The following NLRP2 variants were observed in gnomAD, a reference collection of about 807,000 sequenced individuals.
NLRP2 encodes NACHT, LRR and PYD domains-containing protein 2.
In NLRP2, 107 loss-of-function variants were observed where a neutral mutation model predicts 97.2. That is an observed-to-expected ratio of 1.10 (90% CI 0.94 to 1.29). The LOEUF (loss-of-function observed/expected upper bound fraction) is 1.29. Ranked by LOEUF, NLRP2 falls within the 50% of genes most tolerant of loss-of-function variation. The probability of loss-of-function intolerance (pLI) is 0.00; values close to 1 mark genes in which losing one functional copy is unlikely to be tolerated. For synonymous variants in NLRP2, 663 were observed against 551.5 expected (o/e 1.20, Z -2.83); for missense variants, 1,495 against 1,330.3 (o/e 1.12, Z -1.93).
In NLRP2 at chr19:54,976,808, C is replaced by CTTTTTTT. The variant is rs1344091709; in HGVS notation, c.326-943_326-942insTTTTTTT. 146 of 229,352 alleles carry CTTTTTTT rather than the reference C, an allele frequency of 6.4e-4. No individual in the cohort carries two copies. In the African/African-American group the frequency reaches 0.019, roughly 30 times the overall value. The allele number at this position is 229,352 out of a possible 1,614,324, so 14.2% of individuals were successfully genotyped here. ...TGTTATTAGGATTCCACCTTGTTCT[C>CTTTTTTT]TCTCTTTTTTTTTTTTTTTTTGATA... On this transcript the variant is annotated intron_variant, in intron 3 of 12. Coordinates refer to ENST00000448584, the MANE Select transcript of NLRP2 (RefSeq NM_017852.5).
upstream of NLRP2, among the ~76,000 whole-genome samples, chr19:54,965,601 G>A (rs1232572944): frequency 2.4e-5 from 1 of 42,500 alleles, no homozygotes; most frequent in Non-Finnish European, 4.6e-5. Context: ...GACTACAGGC[G>A]CCCGCCACCA....
intron 11 of NLRP2, among the ~76,000 whole-genome samples, chr19:54,996,679 G>C (rs1215109948): frequency 6.6e-6 from 1 of 151,984 alleles, no homozygotes. Context: ...CATGCCCGCT[G>C]CCTGGATGTT....
intron 7 of NLRP2, among the ~76,000 whole-genome samples, chr19:54,985,881 C>G (rs1170508855): frequency 6.6e-6 from 1 of 151,694 alleles, no homozygotes; most frequent in Non-Finnish European, 1.5e-5. Flanking sequence ...GCCTATAATC[C>G]CAGCTACTCC....
In NLRP2 at chr19:54,974,249, G is replaced by A. The variant is rs2071055219; in HGVS notation, c.281-251G>A. On this transcript the variant is annotated intron_variant, in intron 2 of 12. Coordinates refer to ENST00000448584, the MANE Select transcript of NLRP2 (RefSeq NM_017852.5). ...TATGCCTATAGTCCCAGCTACTCAGGAAGCTGAGGCAGGAGAATCGCTTGA... is the reference window on the plus strand; with the variant it reads ...TATGCCTATAGTCCCAGCTACTCAGAAAGCTGAGGCAGGAGAATCGCTTGA... 4 of 588,164 alleles carry A rather than the reference G, an allele frequency of 6.8e-6. No homozygotes were observed. In the East Asian group the frequency reaches 9.0e-5, roughly 13 times the overall value. 36.4% of individuals were successfully genotyped at this position (588,164 alleles called of 1,614,324 possible).
chr19:54,966,562 C>A (rs1401747538), intron 1 of NLRP2, 95 bp downstream of exon 1: 3 of 152,012 alleles, frequency 2.0e-5, no homozygotes, highest in Admixed American at 2.0e-4. Flanking sequence ...TATTTTTTTT[C>A]TGAGACGGAG....
chr19:54,986,881 T>C (rs1028660194), intron 8 of NLRP2, among the ~76,000 whole-genome samples: 2 of 151,538 alleles, frequency 1.3e-5, no homozygotes. Context: ...GTTTTGGTTT[T>C]TTCTTTTTCT....
rs200366059 is a variant in NLRP2, at chr19:54,984,329, G to GTTTTTTTTTT, written c.2030+615_2030+624dup. ...AACTTAAGTGGGGGTTTTTTTTTGT[G>GTTTTTTTTTT]TTTTTTTTTTTTTTTTTTTTTTTGG... is the stretch of plus-strand genomic sequence containing the variant. On this transcript the variant is annotated intron_variant, in intron 6 of 12. Transcript: ENST00000448584. 1.1e-3 allele frequency among the ~76,000 whole-genome samples: 88 copies of GTTTTTTTTTT among 79,664 alleles called. 7 individuals carry two copies. Among genetic ancestry groups the GTTTTTTTTTT allele is most frequent in the African/African-American group, 3.5e-3 (75 of 21,628 alleles). 52.3% of individuals were successfully genotyped at this position (79,664 alleles called of 152,430 possible).
Position 54,990,487 on chromosome 19 carries a change from G to A in NLRP2, c.2538-15G>A. On this transcript the variant is annotated splice_polypyrimidine_tract_variant and intron_variant, in intron 9 of 12. Transcript: ENST00000448584. Reference sequence around the variant, plus strand: ...GGACCTGTCAACCGTGTTGCCATTTGTGATTCTTTTGTAGGTTGGAAAACT... The same window carrying A: ...GGACCTGTCAACCGTGTTGCCATTTATGATTCTTTTGTAGGTTGGAAAACT... 6.2e-7 allele frequency: 1 copy of A among 1,614,066 alleles called. No individual in the cohort carries two copies. Among genetic ancestry groups the A allele is most frequent in the South Asian group, 1.1e-5 (1 of 91,076 alleles).
At chr19:54,965,335 G>T (rs533456357), upstream of NLRP2, 1 of 104,188 alleles carries the variant, frequency 9.6e-6, no homozygotes, top group South Asian at 2.5e-4. Context: ...TTCTCAACCT[G>T]CAGCCCTCAT....
Position 54,974,274 on chromosome 19 carries a change from A to G in NLRP2, c.281-226A>G, listed in dbSNP as rs1325906850. On this transcript the variant is annotated intron_variant, in intron 2 of 12. Coordinates refer to ENST00000448584, the MANE Select transcript of NLRP2 (RefSeq NM_017852.5). ...GAAGCTGAGGCAGGAGAATCGCTTG[A>G]ACCTGGGAGGCAGAGGTTGCAGTGA... 5.0e-6 allele frequency: 3 copies of G among 603,946 alleles called. No homozygotes were observed. In the African/African-American group the frequency reaches 5.6e-5, roughly 11 times the overall value. The allele number at this position is 603,946 out of a possible 1,614,324, so 37.4% of individuals were successfully genotyped here. A position where few individuals can be genotyped will look rare whatever the true frequency, so the allele number is the denominator to read the frequency against.
At chr19:54,998,024 T>G (rs1214129931) in intron 12 of NLRP2, among the ~76,000 whole-genome samples, 2 of 135,548 alleles carry the variant, frequency 1.5e-5, no homozygotes, top group East Asian at 4.1e-4. Context: ...GTTTTTTCTT[T>G]CTTTTTTTTT....
chr19:54,991,303 A>G (rs1220421613), intron 10 of NLRP2: 2 of 154,150 alleles, frequency 1.3e-5, no homozygotes, highest in Admixed American at 1.3e-4. Flanking sequence ...TAATCCCATC[A>G]CCTTGGGAGG....
At position 54,983,599 on chromosome 19, in the gene NLRP2, C is replaced by T; in HGVS notation, c.1901C>T (p.Ala634Val). The change falls in exon 6 of 13, where the codon GCA (alanine) becomes GTA (valine). Residue 634 changes from alanine to valine, a missense_variant. Transcript: ENST00000448584. ...QFKEISLHLN[A>V]VDVVPSSFCV... Reference sequence around the variant, plus strand: ...AAAGAAATATCCCTGCACTTAAATGCAGTAGACGTTGTGCCATCTTCATTC... The same window carrying T: ...AAAGAAATATCCCTGCACTTAAATGTAGTAGACGTTGTGCCATCTTCATTC... The T allele has an allele frequency of 6.2e-7, 1 of 1,614,174 alleles. No individual in the cohort carries two copies.
chr19:54,991,924 A>ATT (rs199627730), intron 10 of NLRP2, among the ~76,000 whole-genome samples: 56 of 127,292 alleles, frequency 4.4e-4, no homozygotes, highest in South Asian at 2.3e-3. Flanking sequence ...CATCTCTGGT[A>ATT]TTTTTTTTTT....
intron 2 of NLRP2, chr19:54,974,128 G>C (rs2071046675): frequency 1.5e-6 from 1 of 680,016 alleles, no homozygotes; most frequent in African/African-American, 1.8e-5. Flanking sequence ...GGCCGAGGTG[G>C]GCGGATCACA....
intron 2 of NLRP2, among the ~76,000 whole-genome samples, chr19:54,971,181 A>G (rs952300367): frequency 4.0e-5 from 6 of 151,432 alleles, no homozygotes; most frequent in Admixed American, 6.6e-5. Flanking sequence ...ATTGTATTCC[A>G]TGGTATATAT....
chr19:54,992,505 T>TG (rs1481115841), intron 10 of NLRP2, among the ~76,000 whole-genome samples: 8 of 141,130 alleles, frequency 5.7e-5, no homozygotes, highest in South Asian at 4.9e-4. Context: ...TGGTTGTGTG[T>TG]GTGTGTGGTG....
intron 6 of NLRP2, among the ~76,000 whole-genome samples, chr19:54,984,702 C>T (rs532059929): frequency 2.0e-5 from 3 of 151,524 alleles, no homozygotes; most frequent in African/African-American, 4.8e-5. Context: ...AGGCAGGTCT[C>T]GAACTCCCGA....
chr19:54,982,445 G>C lies in NLRP2; in HGVS notation c.747G>C (p.Glu249Asp). 1 of 1,614,198 alleles carries C rather than the reference G, an allele frequency of 6.2e-7. No individual in the cohort carries two copies. The highest frequency in any genetic ancestry group is 2.2e-5 in the East Asian group (1 of 44,878). Residue 249 changes from glutamate (E) to aspartate (D), a missense_variant, in exon 6 of 13, where the codon GAG (glutamate) becomes GAC (aspartate). Physicochemically the swap from Glu to Asp is conservative, Grantham distance 45. Transcript: ENST00000448584. ...ATGCGTTCTACCTCAGCTGCAGGGAGCTCAGCCGCCTGGGCCCGTGCAGTT... is the reference window on the plus strand; with the variant it reads ...ATGCGTTCTACCTCAGCTGCAGGGACCTCAGCCGCCTGGGCCCGTGCAGTT... ...FKYAFYLSCRELSRLGPCSFA... is the reference protein window; with the variant it reads ...FKYAFYLSCRDLSRLGPCSFA...
Sources: gnomAD v4.1 joint callset for allele counts (sites outside exome capture counted in the v4.1 genomes callset) on GRCh38, gnomAD v4.1.1 for gene constraint, MANE v1.5 for transcripts, NCBI Gene and HGNC (gene_info 2026-07-23, HGNC 2026-07-21) for gene names.